The following SLC36A1 variants were observed in gnomAD, a reference collection of about 807,000 sequenced individuals.
SLC36A1 encodes the protein proton-coupled amino acid transporter 1.
In SLC36A1, 30 loss-of-function variants were observed where a neutral mutation model predicts 47.5. The ratio of observed to expected loss-of-function variants is 0.63; its 90% CI spans 0.47 to 0.86. The LOEUF (loss-of-function observed/expected upper bound fraction) is 0.86, where lower values mean the gene tolerates loss of function less well. SLC36A1 is among the 40% of genes least tolerant of loss of function. The pLI is 0.00. For missense variants in SLC36A1, 517 were observed against 606.0 expected (o/e 0.85, Z 1.54); for synonymous variants, 255 against 249.7 (o/e 1.02, Z -0.20).
the SLC36A1 span, among the ~76,000 whole-genome samples, chr5:151,356,892 GA>G: frequency 2.0e-5 from 3 of 152,212 alleles, no homozygotes; most frequent in Non-Finnish European, 4.4e-5. Flanking sequence ...CAATAAGGAA[GA>G]AAAAAATAGG....
At chr5:151,418,559 C>G in the SLC36A1 span, among the ~76,000 whole-genome samples, 1 of 152,146 alleles carries the variant, frequency 6.6e-6, no homozygotes, top group East Asian at 1.9e-4. Flanking sequence ...TTGCATGGAG[C>G]CTGTAGCCCC....
At chr5:151,458,304 G>GTGTGTGTA (rs1175105944) in intron 1 of SLC36A1, among the ~76,000 whole-genome samples, 1,089 of 76,524 alleles carry the variant, frequency 0.014, 27 homozygotes, top group African/African-American at 0.076. Flanking sequence ...ACATACACGT[G>GTGTGTGTA]TATATACGTA....
the SLC36A1 span, among the ~76,000 whole-genome samples, chr5:151,407,417 G>T: frequency 6.6e-6 from 1 of 152,080 alleles, no homozygotes; most frequent in Non-Finnish European, 1.5e-5. Flanking sequence ...AGCACTGATT[G>T]GTACATTTAC....
At chr5:151,522,596 A>G in the SLC36A1 span, among the ~76,000 whole-genome samples, 2 of 152,204 alleles carry the variant, frequency 1.3e-5, no homozygotes, top group African/African-American at 4.8e-5. Flanking sequence ...GGCCAGGAGA[A>G]AAGAGACAAT....
chr5:151,446,530 CAAAG>C (rs912608532), upstream of SLC36A1, among the ~76,000 whole-genome samples: 4 of 150,182 alleles, frequency 2.7e-5, no homozygotes, highest in Non-Finnish European at 5.9e-5. Flanking sequence ...AACTTTGTCT[CAAAG>C]AAAAAAAAAA....
upstream of SLC36A1, among the ~76,000 whole-genome samples, chr5:151,445,300 T>C (rs1004568244): frequency 2.6e-5 from 4 of 152,236 alleles, no homozygotes; most frequent in African/African-American, 4.8e-5. Flanking sequence ...TTAGTGTATG[T>C]TAAACCAGCC....
At chr5:151,512,250 G>C in the SLC36A1 span, 8 of 1,614,204 alleles carry the variant, frequency 5.0e-6, no homozygotes. The surrounding 1 kb of genome is among the most constrained non-coding windows in gnomAD (Gnocchi z 4.1). Context: ...ACTGGGTGAG[G>C]GCTTGTGTCT....
the SLC36A1 span, among the ~76,000 whole-genome samples, chr5:151,351,689 C>A: frequency 4.1e-4 from 63 of 152,214 alleles, no homozygotes; most frequent in Non-Finnish European, 6.9e-4. Context: ...ACGAGAGCTA[C>A]CATTTATTAA....
chr5:151,409,767 C>A, the SLC36A1 span, among the ~76,000 whole-genome samples: 1 of 152,342 alleles, frequency 6.6e-6, no homozygotes, highest in South Asian at 2.1e-4. Flanking sequence ...CAGGGATTCA[C>A]AGCATCTCTG....
At chr5:151,457,617 GTCC>G (rs1322439203) in intron 1 of SLC36A1, among the ~76,000 whole-genome samples, 1 of 152,066 alleles carries the variant, frequency 6.6e-6, no homozygotes, top group Non-Finnish European at 1.5e-5. Context: ...CAGTTTCCTG[GTCC>G]TCCTCTGAGC....
At chr5:151,418,474 C>T in the SLC36A1 span, among the ~76,000 whole-genome samples, 1 of 152,146 alleles carries the variant, frequency 6.6e-6, no homozygotes, top group African/African-American at 2.4e-5. Flanking sequence ...ATCCGTGTGA[C>T]CTGGATGTGA....
the SLC36A1 span, among the ~76,000 whole-genome samples, chr5:151,497,939 CTT>C: frequency 7.0e-6 from 1 of 143,540 alleles, no homozygotes. Flanking sequence ...GGGGGATGTC[CTT>C]TTTTTTTTTT....
At chr5:151,538,094 CA>C in the SLC36A1 span, 1 of 590,860 alleles carries the variant, frequency 1.7e-6, no homozygotes, top group Non-Finnish European at 2.9e-6. Flanking sequence ...AGAACAGAGA[CA>C]GAGAGAGAGA....
intron 3 of SLC36A1, 35 bp downstream of exon 3, chr5:151,463,678 A>G: frequency 6.7e-7 from 1 of 1,500,760 alleles, no homozygotes; most frequent in African/African-American, 1.4e-5. Flanking sequence ...GAGTGGTGAC[A>G]AATTTTAGGA....
At chr5:151,422,144 G>A in the SLC36A1 span, 1 of 152,350 alleles carries the variant, frequency 6.6e-6, no homozygotes, top group Non-Finnish European at 1.5e-5. Flanking sequence ...CACCTGTGGT[G>A]AAAGTGCAGG....
rs764978570 is a variant in SLC36A1, at chr5:151,458,953, TCTC to T, written c.143+22_143+24del. On this transcript the variant is annotated intron_variant, in intron 2 of 10. Transcript: ENST00000243389. Reference sequence around the variant, plus strand: ...AGCACAACGTGAGTAGCTGTTACCTTCTCCTCTCCTGGGTGGGATTCGTGTTCC... The same window carrying T: ...AGCACAACGTGAGTAGCTGTTACCTTCTCTCCTGGGTGGGATTCGTGTTCC... The T allele has an allele frequency of 2.5e-6, 4 of 1,594,876 alleles. No homozygotes were observed. Among genetic ancestry groups the T allele is most frequent in the Non-Finnish European group, 3.4e-6 (4 of 1,169,096 alleles).
chr5:151,392,087 A>G, the SLC36A1 span, among the ~76,000 whole-genome samples: 2 of 152,180 alleles, frequency 1.3e-5, no homozygotes, highest in Non-Finnish European at 2.9e-5. Context: ...AGAGCCTGTT[A>G]TTGGTCTATT....
intron 8 of SLC36A1, among the ~76,000 whole-genome samples, chr5:151,475,489 G>A (rs1757923186): frequency 1.3e-5 from 2 of 152,188 alleles, no homozygotes; most frequent in Admixed American, 1.3e-4. Context: ...TTGCATCGGG[G>A]TAAAGTGCCA....
intron 6 of SLC36A1, 95 bp from the exon 7 acceptor site, chr5:151,467,612 C>A: frequency 1.9e-6 from 2 of 1,055,484 alleles, no homozygotes; most frequent in Non-Finnish European, 2.9e-6. Context: ...TGTTCACACA[C>A]CTGAGCCTTT....
Sources: allele counts gnomAD v4.1 joint callset (sites outside exome capture counted in the v4.1 genomes callset), GRCh38; gene constraint gnomAD v4.1.1; non-coding constraint Gnocchi (gnomAD v3.1); transcripts MANE v1.5; gene names NCBI Gene and HGNC (gene_info 2026-07-23, HGNC 2026-07-21).